PKN2: variants seen among roughly 807,000 people sequenced by gnomAD.
The protein encoded by PKN2 is protein kinase N2.
In PKN2, 38 loss-of-function variants were observed where a neutral mutation model predicts 119.1. The observed-to-expected ratio is 0.32, with a 90% CI of 0.25 to 0.42. The LOEUF is 0.42. PKN2 is among the 10% of genes least tolerant of loss of function. The probability of loss-of-function intolerance (pLI) is 1.00; values close to 1 mark genes in which losing one functional copy is unlikely to be tolerated. For missense variants in PKN2, 850 were observed against 1,165.1 expected (o/e 0.73, Z 3.94); for synonymous variants, 390 against 384.9 (o/e 1.01, Z -0.15).
chr1:88,701,289 C>G (rs1189676276), intron 1 of PKN2, among the ~76,000 whole-genome samples: 2 of 152,122 alleles, frequency 1.3e-5, no homozygotes. Flanking sequence ...ACTAAAAATA[C>G]AAAAATTAGC....
At chr1:88,750,799 C>T (rs1289346923) in intron 2 of PKN2, among the ~76,000 whole-genome samples, 1 of 152,132 alleles carries the variant, frequency 6.6e-6, no homozygotes, top group Non-Finnish European at 1.5e-5. Flanking sequence ...TCCCCACCTT[C>T]AACCTTCATT....
intron 6 of PKN2, among the ~76,000 whole-genome samples, chr1:88,779,920 ATTTTGTTTT>A (rs1670265993): frequency 6.6e-6 from 1 of 152,150 alleles, no homozygotes; most frequent in South Asian, 2.1e-4. Flanking sequence ...CCACATCAGG[ATTTTGTTTT>A]TGAGGGATGC....
intron 3 of PKN2, among the ~76,000 whole-genome samples, chr1:88,763,326 G>A (rs55866956): frequency 0.067 from 10,153 of 151,796 alleles, 684 homozygotes; most frequent in African/African-American, 0.18. Flanking sequence ...ACATCCATCC[G>A]GCCACATGTG....
rs997244185 is a variant in PKN2, at chr1:88,835,662, A to C, written c.*2214A>C. 1.3e-5 allele frequency: 2 copies of C among 152,494 alleles called. No individual in the cohort carries two copies. Among genetic ancestry groups the C allele is most frequent in the African/African-American group, 4.8e-5 (2 of 41,444 alleles). The allele number at this position is 152,494 out of a possible 1,614,324, so 9.4% of individuals were successfully genotyped here. The stretch of plus-strand genomic sequence containing the variant: ...GTGACTGCTCAAGCACTTTGTAAAG[A>C]AATTAGGATATTTTAGAATGGTACA... On this transcript the variant is annotated 3_prime_UTR_variant, in exon 22 of 22. Coordinates refer to ENST00000370521, the MANE Select transcript of PKN2 (RefSeq NM_006256.4).
rs572876418 is a variant in PKN2, at chr1:88,781,547, T to A, written c.986-3092T>A. ...TTCTTGGATTTGCTTGTTTTAAAAA[T>A]TTCATATTGTGCTTTATGAATGTAG... On this transcript the variant is annotated intron_variant, in intron 6 of 21. Coordinates refer to ENST00000370521, the MANE Select transcript of PKN2 (RefSeq NM_006256.4). Among the ~76,000 whole-genome samples, 4 of 152,224 alleles carry A rather than the reference T, an allele frequency of 2.6e-5. No homozygotes were observed. The South Asian group carries it at 8.3e-4, about 32-fold the overall frequency.
intron 19 of PKN2, among the ~76,000 whole-genome samples, chr1:88,830,082 C>T (rs786914): frequency 2.0e-5 from 3 of 151,956 alleles, no homozygotes; most frequent in African/African-American, 7.2e-5. Flanking sequence ...TACTGATCTT[C>T]TGCCCATTTT....
chr1:88,713,738 C>T (rs1667334180), intron 1 of PKN2, among the ~76,000 whole-genome samples: 1 of 152,190 alleles, frequency 6.6e-6, no homozygotes, highest in South Asian at 2.1e-4. Flanking sequence ...TGCCTGTTCA[C>T]TCTGATGGTA....
chr1:88,794,623 A>G (rs1670984597), intron 8 of PKN2, among the ~76,000 whole-genome samples: 1 of 152,148 alleles, frequency 6.6e-6, no homozygotes, highest in Non-Finnish European at 1.5e-5. Flanking sequence ...TAATTAATGC[A>G]CCTAGGATAA....
chr1:88,830,779 A>G (rs913093394), intron 19 of PKN2, among the ~76,000 whole-genome samples: 2 of 152,108 alleles, frequency 1.3e-5, no homozygotes, highest in East Asian at 3.9e-4. Context: ...ATTTCTTCAC[A>G]GTTGTTTCTT....
chr1:88,766,049 A>C (rs112420256), intron 3 of PKN2, among the ~76,000 whole-genome samples: 6,057 of 152,136 alleles, frequency 0.04, 276 homozygotes, highest in African/African-American at 0.1. Flanking sequence ...CTGACCTTAG[A>C]TGATCCCCCA....
At chr1:88,794,754 C>G (rs1019542327) in intron 8 of PKN2, among the ~76,000 whole-genome samples, 2 of 152,010 alleles carry the variant, frequency 1.3e-5, no homozygotes, top group Non-Finnish European at 2.9e-5. Flanking sequence ...CTTGATTCTT[C>G]AGGATATTTT....
intron 6 of PKN2, among the ~76,000 whole-genome samples, chr1:88,782,201 C>T (rs1231005162): frequency 6.6e-6 from 1 of 151,994 alleles, no homozygotes; most frequent in Non-Finnish European, 1.5e-5. Context: ...CTTTGTTCCT[C>T]TCTACGTAAC....
intron 1 of PKN2, among the ~76,000 whole-genome samples, chr1:88,694,340 T>C (rs1368615824): frequency 2.0e-5 from 3 of 152,210 alleles, no homozygotes; most frequent in Non-Finnish European, 4.4e-5. Flanking sequence ...AGTTGTGCGT[T>C]TGGGAAAATC....
intron 8 of PKN2, among the ~76,000 whole-genome samples, chr1:88,803,993 A>G (rs976440976): frequency 9.9e-5 from 15 of 152,214 alleles, no homozygotes; most frequent in African/African-American, 2.4e-4. Flanking sequence ...AAAGGTTTCA[A>G]ATGAGTTATT....
chr1:88,708,425 A>G (rs1258453137), intron 1 of PKN2, among the ~76,000 whole-genome samples: 2 of 151,812 alleles, frequency 1.3e-5, no homozygotes, highest in African/African-American at 4.8e-5. Context: ...ATATCCATGG[A>G]AAAAAAATGT....
At chr1:88,805,321 G>T (rs1321475009) in intron 10 of PKN2, among the ~76,000 whole-genome samples, 176 bp from the exon 11 acceptor site, 1 of 151,976 alleles carries the variant, frequency 6.6e-6, no homozygotes, top group Admixed American at 6.6e-5. Context: ...TTAAAACTAC[G>T]TATGCTATTT....
At chr1:88,791,874 TA>T (rs1670856018) in intron 8 of PKN2, among the ~76,000 whole-genome samples, 1 of 152,118 alleles carries the variant, frequency 6.6e-6, no homozygotes, top group African/African-American at 2.4e-5. Flanking sequence ...TAGAAAAGGA[TA>T]AAAATGCATG....
At chr1:88,711,082 G>A (rs2100685325) in intron 1 of PKN2, among the ~76,000 whole-genome samples, 1 of 152,268 alleles carries the variant, frequency 6.6e-6, no homozygotes, top group Middle Eastern at 3.4e-3. Flanking sequence ...ATAAGTGGGA[G>A]CTAAATGATG....
chr1:88,824,879 A>G (rs1472826479), intron 18 of PKN2, among the ~76,000 whole-genome samples: 1 of 152,260 alleles, frequency 6.6e-6, no homozygotes, highest in Non-Finnish European at 1.5e-5. Context: ...GGGCTTAGGC[A>G]CTAAACAGTT....
Sources: gnomAD v4.1 joint callset for allele counts (sites outside exome capture counted in the v4.1 genomes callset) on GRCh38, gnomAD v4.1.1 for gene constraint, MANE v1.5 for transcripts, NCBI Gene and HGNC (gene_info 2026-07-23, HGNC 2026-07-21) for gene names.